EPHA3: variants seen among roughly 807,000 people sequenced by gnomAD.
EPHA3 encodes the protein EPH receptor A3.
A neutral mutation model predicts 107.1 loss-of-function variants in EPHA3; 42 were observed. The observed-to-expected ratio is 0.39, with a 90% CI of 0.31 to 0.51. The LOEUF (loss-of-function observed/expected upper bound fraction) is 0.51. Ranked by LOEUF, EPHA3 falls within the 20% of genes least tolerant of loss-of-function variation. The pLI is 0.78. For synonymous variants in EPHA3, 461 were observed against 424.8 expected, an observed-to-expected ratio of 1.09 and a Z score of -1.05; for missense variants, 1,183 against 1,211.2, an observed-to-expected ratio of 0.98 and a Z score of 0.35.
chr3:89,189,367 G>T (rs1705647904), intron 2 of EPHA3, among the ~76,000 whole-genome samples: 1 of 152,076 alleles, frequency 6.6e-6, no homozygotes, highest in Admixed American at 6.6e-5. Context: ...GGCCAAGGCA[G>T]GGGGATCACG....
chr3:89,459,161 G>T (rs529691349), intron 15 of EPHA3, among the ~76,000 whole-genome samples: 1 of 152,152 alleles, frequency 6.6e-6, no homozygotes, highest in Admixed American at 6.5e-5. Context: ...AAACCTGCAG[G>T]TTCAACACAT....
chr3:89,476,548 A>C (rs1455708439), intron 16 of EPHA3, among the ~76,000 whole-genome samples: 1 of 147,836 alleles, frequency 6.8e-6, no homozygotes, highest in East Asian at 1.9e-4. Flanking sequence ...ATATAATATA[A>C]ATATTATATA....
chr3:89,476,617 A>ATTT (rs1553697737), intron 16 of EPHA3, among the ~76,000 whole-genome samples: 6 of 145,466 alleles, frequency 4.1e-5, no homozygotes, highest in Non-Finnish European at 4.5e-5. Context: ...TTATTTATTT[A>ATTT]ATTTTTTTGA....
intron 3 of EPHA3, among the ~76,000 whole-genome samples, chr3:89,233,686 T>C (rs1367624710): frequency 6.6e-6 from 1 of 152,152 alleles, no homozygotes; most frequent in Non-Finnish European, 1.5e-5. Context: ...GGCTGGAGTA[T>C]AGTACTAGCC....
chr3:89,239,878 G>C (rs2107241639), intron 3 of EPHA3, among the ~76,000 whole-genome samples: 1 of 152,204 alleles, frequency 6.6e-6, no homozygotes. Flanking sequence ...TAATAGTTGA[G>C]GTAGTGCAAA....
intron 11 of EPHA3, among the ~76,000 whole-genome samples, chr3:89,423,146 G>T (rs1306212918): frequency 1.3e-5 from 2 of 151,474 alleles, no homozygotes; most frequent in East Asian, 3.9e-4. Flanking sequence ...TATTGGATGA[G>T]ATTAATGTAT....
At chr3:89,376,711 G>A (rs998608345) in intron 5 of EPHA3, among the ~76,000 whole-genome samples, 3 of 151,946 alleles carry the variant, frequency 2.0e-5, no homozygotes, top group Admixed American at 6.6e-5. Context: ...ACTAAAGAAA[G>A]GTTGATACTA....
In EPHA3 at chr3:89,128,292, T is replaced by A. The variant is rs540256472; in HGVS notation, c.153+1019T>A. Among the ~76,000 whole-genome samples the A allele has an allele frequency of 3.9e-5, 6 of 152,308 alleles. No individual in the cohort carries two copies. In the East Asian group the frequency reaches 1.2e-3, roughly 29 times the overall value. On this transcript the variant is annotated intron_variant, in intron 2 of 16. Transcript: ENST00000336596. Reference sequence around the variant, plus strand: ...TCATCTTTGTATCTGCTTCTCTTCCTGACACACCTTGACTTTGACAATATG... The same window carrying A: ...TCATCTTTGTATCTGCTTCTCTTCCAGACACACCTTGACTTTGACAATATG...
At chr3:89,459,630 C>A (rs1372938664) in intron 15 of EPHA3, among the ~76,000 whole-genome samples, 5 of 152,092 alleles carry the variant, frequency 3.3e-5, no homozygotes, top group Non-Finnish European at 5.9e-5. Context: ...TCAGGCGATT[C>A]TCCTGCCTCA....
chr3:89,450,241 A>G lies in EPHA3; in HGVS notation c.2561A>G (p.Tyr854Cys). ...PPPMDCPAAL[Y>C]QLMLDCWQKD... Reference sequence around the variant, plus strand: ...CCCATGGACTGCCCAGCTGCCTTGTATCAGCTGATGCTGGACTGCTGGCAG... The same window carrying G: ...CCCATGGACTGCCCAGCTGCCTTGTGTCAGCTGATGCTGGACTGCTGGCAG... Residue 854 changes from tyrosine to cysteine, a missense_variant, in exon 15 of 17, where the codon TAT becomes TGT. Transcript: ENST00000336596. 1.2e-6 allele frequency: 2 copies of G among 1,613,894 alleles called. No individual in the cohort carries two copies. The highest frequency in any genetic ancestry group is 1.7e-6 in the Non-Finnish European group (2 of 1,179,886).
chr3:89,385,337 C>T (rs1708593733), intron 5 of EPHA3, among the ~76,000 whole-genome samples: 1 of 152,144 alleles, frequency 6.6e-6, no homozygotes, highest in Non-Finnish European at 1.5e-5. Flanking sequence ...CCCACAATCC[C>T]CACATGTTAT....
chr3:89,144,070 T>C (rs1196908669), intron 2 of EPHA3, among the ~76,000 whole-genome samples: 1 of 151,662 alleles, frequency 6.6e-6, no homozygotes, highest in Admixed American at 6.6e-5. Flanking sequence ...GAACCAATAT[T>C]GATACATTAT....
At chr3:89,265,698 C>A (rs1235300006) in intron 3 of EPHA3, among the ~76,000 whole-genome samples, 1 of 151,924 alleles carries the variant, frequency 6.6e-6, no homozygotes, top group Non-Finnish European at 1.5e-5. Flanking sequence ...TAATTTCTGA[C>A]CCAAGTGCAG....
At chr3:89,278,852 A>G (rs1315765700) in intron 3 of EPHA3, among the ~76,000 whole-genome samples, 1 of 152,188 alleles carries the variant, frequency 6.6e-6, no homozygotes, top group East Asian at 1.9e-4. Flanking sequence ...AAAAGAGGAT[A>G]GATTTCATTA....
intron 2 of EPHA3, among the ~76,000 whole-genome samples, chr3:89,180,531 C>G (rs181097454): frequency 1.3e-3 from 201 of 152,092 alleles, no homozygotes; most frequent in Admixed American, 2.5e-3. Flanking sequence ...ATTGTGCTTA[C>G]TTTACAGTAA....
Position 89,188,866 on chromosome 3 carries a change from C to G in EPHA3, c.154-20994C>G, listed in dbSNP as rs576144394. On this transcript the variant is annotated intron_variant, in intron 2 of 16. Coordinates refer to ENST00000336596, the MANE Select transcript of EPHA3 (RefSeq NM_005233.6). ...ATTCTTCACTATCTGTTCTCTTTTT[C>G]CTCCTTAAAAGTAGGTTCCATGAAA... 1.3e-4 allele frequency among the ~76,000 whole-genome samples: 20 copies of G among 152,276 alleles called. No homozygotes were observed. In the South Asian group the frequency reaches 4.1e-3, roughly 32 times the overall value.
chr3:89,160,589 T>TGC (rs1553707154), intron 2 of EPHA3, among the ~76,000 whole-genome samples: 54 of 145,100 alleles, frequency 3.7e-4, no homozygotes, highest in African/African-American at 1.3e-3. Context: ...TGTGTGTGTG[T>TGC]GCGCGCATTC....
chr3:89,335,074 T>C (rs557916935), intron 3 of EPHA3, among the ~76,000 whole-genome samples: 1 of 152,322 alleles, frequency 6.6e-6, no homozygotes, highest in Non-Finnish European at 1.5e-5. Flanking sequence ...AAGCTGGGAT[T>C]TTGACTTTTA....
chr3:89,407,054 A>G (rs1433805753), intron 7 of EPHA3, among the ~76,000 whole-genome samples: 1 of 152,120 alleles, frequency 6.6e-6, no homozygotes, highest in Non-Finnish European at 1.5e-5. Context: ...ATGTACCCAT[A>G]TTAATTAGGT....
Sources: allele counts gnomAD v4.1 joint callset (sites outside exome capture counted in the v4.1 genomes callset), GRCh38; gene constraint gnomAD v4.1.1; transcripts MANE v1.5; gene names NCBI Gene and HGNC (gene_info 2026-07-23, HGNC 2026-07-21).